The following POU6F2 variants were observed in gnomAD, a reference collection of about 807,000 sequenced individuals.
POU6F2 encodes the protein POU domain, class 6, transcription factor 2.
In POU6F2, 31 loss-of-function variants were observed where a neutral mutation model predicts 71.3. The observed-to-expected ratio is 0.43, with a 90% confidence interval of 0.33 to 0.59. The LOEUF (loss-of-function observed/expected upper bound fraction) is 0.59. POU6F2 is among the 20% of genes least tolerant of loss of function. POU6F2 has a pLI of 0.04. For synonymous variants in POU6F2, 347 were observed against 355.7 expected, an observed-to-expected ratio of 0.98 and a Z score of 0.27; for missense variants, 783 against 856.8, an observed-to-expected ratio of 0.91 and a Z score of 1.07.
intron 6 of POU6F2, among the ~76,000 whole-genome samples, chr7:39,411,538 G>C (rs1787550119): frequency 6.6e-6 from 1 of 152,090 alleles, no homozygotes. Context: ...GTCAAGGGGG[G>C]GGAAGTCAAC....
At chr7:38,985,659 C>A (rs753151293) in intron 1 of POU6F2, among the ~76,000 whole-genome samples, 1 of 152,068 alleles carries the variant, frequency 6.6e-6, no homozygotes, top group Non-Finnish European at 1.5e-5. Context: ...GAAAATTTCT[C>A]TCTGTTCATA....
At chr7:39,266,399 G>C (rs1784241239) in intron 4 of POU6F2, among the ~76,000 whole-genome samples, 1 of 152,152 alleles carries the variant, frequency 6.6e-6, no homozygotes, top group Admixed American at 6.5e-5. Context: ...ATTTCCCCAG[G>C]AAATCACAGA....
At chr7:39,381,247 T>C (rs1786821774) in intron 5 of POU6F2, among the ~76,000 whole-genome samples, 1 of 152,060 alleles carries the variant, frequency 6.6e-6, no homozygotes, top group African/African-American at 2.4e-5. Flanking sequence ...GTTTCTGTTT[T>C]TGTTTTTCAA....
chr7:39,273,878 A>G (rs1342536398), intron 4 of POU6F2, among the ~76,000 whole-genome samples: 1 of 152,192 alleles, frequency 6.6e-6, no homozygotes, highest in Non-Finnish European at 1.5e-5. Flanking sequence ...AAAAATGTAA[A>G]TGAATAAAAG....
At chr7:39,437,375 T>C (rs898380187) in intron 7 of POU6F2, among the ~76,000 whole-genome samples, 2 of 152,244 alleles carry the variant, frequency 1.3e-5, no homozygotes, top group African/African-American at 4.8e-5. Flanking sequence ...CAGGAATTTA[T>C]TCATTTCTTC....
At position 39,366,240 on chromosome 7, in the gene POU6F2, C is replaced by T. The variant is rs549770847; in HGVS notation, c.972+26225C>T. ...ACAAGGGAAAGGGTGTGGTCATTGA[C>T]AATACCAGAGCATGACCTTGGGAGA... is the stretch of plus-strand genomic sequence containing the variant. On this transcript the variant is annotated intron_variant, in intron 5 of 9. Transcript: ENST00000518318. Among the ~76,000 whole-genome samples the T allele has an allele frequency of 1.3e-4, 20 of 152,140 alleles. No individual in the cohort carries two copies. In the South Asian group the frequency reaches 3.5e-3, roughly 27 times the overall value.
intron 4 of POU6F2, among the ~76,000 whole-genome samples, chr7:39,339,082 T>TAAAAA (rs1554344614): frequency 6.9e-6 from 1 of 143,966 alleles, no homozygotes; most frequent in African/African-American, 2.6e-5. Flanking sequence ...TTTGAATTTT[T>TAAAAA]AAAAAAAAAA....
intron 2 of POU6F2, among the ~76,000 whole-genome samples, chr7:39,186,601 A>G (rs1793544853): frequency 1.3e-5 from 2 of 152,176 alleles, no homozygotes; most frequent in African/African-American, 4.8e-5. Flanking sequence ...CCTGTGAGAC[A>G]TTGCCCTGAA....
At chr7:39,302,032 C>T (rs1453648215) in intron 4 of POU6F2, among the ~76,000 whole-genome samples, 1 of 152,130 alleles carries the variant, frequency 6.6e-6, no homozygotes, top group Non-Finnish European at 1.5e-5. Context: ...TAAGCAGTTA[C>T]AACCCGCTTA....
chr7:39,145,223 T>C (rs1792594276), intron 2 of POU6F2, among the ~76,000 whole-genome samples: 3 of 152,210 alleles, frequency 2.0e-5, no homozygotes, highest in Admixed American at 6.5e-5. Flanking sequence ...CTCCATAAGT[T>C]AAGAATTAAT....
intron 6 of POU6F2, among the ~76,000 whole-genome samples, chr7:39,414,018 C>G (rs943567548): frequency 6.6e-6 from 1 of 152,228 alleles, no homozygotes; most frequent in African/African-American, 2.4e-5. Flanking sequence ...GTGGGACCCA[C>G]CCGCGGGCGG....
chr7:39,201,312 T>C (rs1793897211), intron 2 of POU6F2, among the ~76,000 whole-genome samples: 1 of 152,216 alleles, frequency 6.6e-6, no homozygotes, highest in Admixed American at 6.5e-5. Flanking sequence ...TGGTTTTAAC[T>C]CTTACACCAA....
chr7:39,238,936 C>T (rs753600759), intron 4 of POU6F2, among the ~76,000 whole-genome samples: 28 of 152,050 alleles, frequency 1.8e-4, no homozygotes, highest in Non-Finnish European at 2.5e-4. Flanking sequence ...ACATAATGTA[C>T]GGTCACATTT....
At chr7:39,438,965 C>CT (rs2116059537) in intron 7 of POU6F2, among the ~76,000 whole-genome samples, 1 of 152,282 alleles carries the variant, frequency 6.6e-6, no homozygotes, top group East Asian at 1.9e-4. Flanking sequence ...GTGTTAAAGT[C>CT]TCCCACTATT....
intron 2 of POU6F2, among the ~76,000 whole-genome samples, chr7:39,112,987 C>T (rs1791851583): frequency 6.6e-6 from 1 of 151,920 alleles, no homozygotes; most frequent in Admixed American, 6.6e-5. Flanking sequence ...AAAATTATTT[C>T]CAGAGACCAG....
chr7:39,296,752 G>A (rs1281248241), intron 4 of POU6F2, among the ~76,000 whole-genome samples: 1 of 152,170 alleles, frequency 6.6e-6, no homozygotes, highest in African/African-American at 2.4e-5. Flanking sequence ...GTGATTATTA[G>A]CTTAACGTGT....
chr7:39,202,971 G>C (rs141478941), intron 2 of POU6F2, among the ~76,000 whole-genome samples: 26 of 152,254 alleles, frequency 1.7e-4, no homozygotes, highest in African/African-American at 6.0e-4. Flanking sequence ...CAGATTTTCA[G>C]ATTTCTGCAT....
At chr7:39,150,803 T>C (rs1414456777) in intron 2 of POU6F2, among the ~76,000 whole-genome samples, 1 of 152,120 alleles carries the variant, frequency 6.6e-6, no homozygotes, top group East Asian at 1.9e-4. Context: ...ACTGGGGTTC[T>C]CTTTTCTCCA....
At chr7:39,367,455 T>C (rs542246506) in intron 5 of POU6F2, among the ~76,000 whole-genome samples, 5 of 152,310 alleles carry the variant, frequency 3.3e-5, no homozygotes, top group Admixed American at 6.5e-5. Context: ...TCTTGATAGA[T>C]GAGTTTTCCC....
Sources: gnomAD v4.1 joint callset for allele counts (sites outside exome capture counted in the v4.1 genomes callset) on GRCh38, gnomAD v4.1.1 for gene constraint, MANE v1.5 for transcripts, NCBI Gene and HGNC (gene_info 2026-07-23, HGNC 2026-07-21) for gene names.